The following CASQ2 variants were observed in gnomAD, a reference collection of about 807,000 sequenced individuals.
CASQ2 encodes calsequestrin 2, also known as calsequestrin-2.
Under a neutral mutation model 46.5 loss-of-function variants are expected in CASQ2, and 49 were observed. The ratio of observed to expected loss-of-function variants is 1.05; its 90% confidence interval spans 0.84 to 1.34. CASQ2 has a LOEUF of 1.34. CASQ2 is among the 40% of genes most tolerant of loss of function. The pLI, the probability that CASQ2 is intolerant of heterozygous loss-of-function variation, is 0.00. For synonymous variants in CASQ2, 174 were observed against 168.5 expected (o/e 1.03, Z -0.25); for missense variants, 486 against 481.3 (o/e 1.01, Z -0.09).
At chr1:115,756,055 G>A (rs753410127) in intron 1 of CASQ2, among the ~76,000 whole-genome samples, 13 of 152,204 alleles carry the variant, frequency 8.5e-5, no homozygotes, top group East Asian at 7.7e-4. Context: ...TTAGATATCC[G>A]AGGCCAGAGT....
chr1:115,733,533 T>G (rs1647861413), intron 4 of CASQ2, among the ~76,000 whole-genome samples: 1 of 152,214 alleles, frequency 6.6e-6, no homozygotes, highest in South Asian at 2.1e-4. Context: ...TTCTGATGCC[T>G]CAAGAGGATT....
intron 3 of CASQ2, 49 bp downstream of exon 3, chr1:115,740,679 A>G: frequency 8.5e-7 from 1 of 1,171,114 alleles, no homozygotes; most frequent in Non-Finnish European, 1.3e-6. Flanking sequence ...CTCTCCCTAT[A>G]TTTGAGGAGA....
intron 8 of CASQ2, among the ~76,000 whole-genome samples, chr1:115,714,834 C>T (rs1200227205): frequency 6.6e-6 from 1 of 152,224 alleles, no homozygotes; most frequent in Non-Finnish European, 1.5e-5. Context: ...CACCTCAGTG[C>T]ATGCTTACAG....
chr1:115,726,448 A>G (rs1316220425), intron 6 of CASQ2, among the ~76,000 whole-genome samples: 4 of 152,222 alleles, frequency 2.6e-5, no homozygotes, highest in Non-Finnish European at 5.9e-5. Context: ...AGAACCTGAA[A>G]TATTTACCAT....
chr1:115,728,153 G>T (rs1329075034), intron 5 of CASQ2, among the ~76,000 whole-genome samples: 1 of 152,180 alleles, frequency 6.6e-6, no homozygotes, highest in Non-Finnish European at 1.5e-5. Flanking sequence ...CCGTGACCCA[G>T]GGCGGCTGCA....
chr1:115,712,645 C>A (rs1654583682), intron 8 of CASQ2, among the ~76,000 whole-genome samples: 1 of 152,054 alleles, frequency 6.6e-6, no homozygotes, highest in Non-Finnish European at 1.5e-5. Flanking sequence ...AAGAACCAGG[C>A]CAGGCACAGT....
intron 1 of CASQ2, among the ~76,000 whole-genome samples, chr1:115,752,872 A>G (rs1648630129): frequency 6.6e-6 from 1 of 152,222 alleles, no homozygotes; most frequent in Non-Finnish European, 1.5e-5. Flanking sequence ...TCTGTGTGAG[A>G]GATGTCTCTG....
intron 9 of CASQ2, 152 bp downstream of exon 9, chr1:115,705,040 T>A: frequency 4.3e-6 from 3 of 692,830 alleles, no homozygotes; most frequent in Non-Finnish European, 8.0e-6. Flanking sequence ...CCAAGTTCAA[T>A]ACTGCCCCAA....
At chr1:115,738,109 C>G in intron 4 of CASQ2, 115 bp downstream of exon 4, 1 of 771,616 alleles carries the variant, frequency 1.3e-6, no homozygotes, top group South Asian at 1.4e-5. Flanking sequence ...ATTCTAACTT[C>G]TATTCTACCC....
rs376326065 is a variant in CASQ2, at chr1:115,767,850, G to A, written c.234+458C>T. On this transcript the variant is annotated intron_variant, in intron 1 of 10. Coordinates refer to ENST00000261448, the MANE Select transcript of CASQ2 (RefSeq NM_001232.4). The stretch of plus-strand genomic sequence containing the variant: ...GGAAAGTCATTTAGTGATATTCTCC[G>A]TCTGACCCCCAGAGAGACGCAAGGT... Among the ~76,000 whole-genome samples, 31 of 152,276 alleles carry A rather than the reference G, an allele frequency of 2.0e-4. 1 individual carries two copies. The highest frequency in any genetic ancestry group is 7.7e-4 in the East Asian group (4 of 5,190).
intron 10 of CASQ2, among the ~76,000 whole-genome samples, chr1:115,702,401 A>T (rs1351374274): frequency 6.6e-6 from 1 of 152,080 alleles, no homozygotes; most frequent in Non-Finnish European, 1.5e-5. Flanking sequence ...CTGCCAGTGT[A>T]CCTCACTAGC....
chr1:115,702,876 G>C (rs758254619), intron 10 of CASQ2, 45 bp downstream of exon 10: 1 of 1,408,664 alleles, frequency 7.1e-7, no homozygotes, highest in Admixed American at 1.7e-5. Flanking sequence ...CAGAAGACAG[G>C]GCAGGCCAAG....
At chr1:115,726,954 A>AAC in intron 6 of CASQ2, 38 bp downstream of exon 6, 32 of 1,108,040 alleles carry the variant, frequency 2.9e-5, no homozygotes, top group Non-Finnish European at 4.0e-5. Flanking sequence ...CATTCCCCAG[A>AAC]CCCCAGGCCC....
At chr1:115,736,360 G>A (rs1359742865) in intron 4 of CASQ2, among the ~76,000 whole-genome samples, 1 of 151,808 alleles carries the variant, frequency 6.6e-6, no homozygotes, top group Non-Finnish European at 1.5e-5. Context: ...TCCTGGGTTG[G>A]GCACAGTGGC....
chr1:115,763,792 C>T (rs367918526), intron 1 of CASQ2, among the ~76,000 whole-genome samples: 55 of 152,280 alleles, frequency 3.6e-4, no homozygotes, highest in African/African-American at 1.1e-3. Flanking sequence ...CATTTCTCAA[C>T]TCAGGTTGAG....
rs955750547 is a variant in CASQ2 at position 115,743,872 on chromosome 1, C to T, written c.319+956G>A. 4.0e-5 allele frequency among the ~76,000 whole-genome samples: 6 copies of T among 151,882 alleles called. No homozygotes were observed. The East Asian group carries it at 1.2e-3, about 29-fold the overall frequency. Reference sequence around the variant, plus strand: ...GAGGAGCGGGCCGGGAGCTATGGCTCACGCCTGTAATCCCACCATTTTGGG... The same window carrying T: ...GAGGAGCGGGCCGGGAGCTATGGCTTACGCCTGTAATCCCACCATTTTGGG... On this transcript the variant is annotated intron_variant, in intron 2 of 10. Transcript: ENST00000261448.
intron 3 of CASQ2, 136 bp downstream of exon 3, chr1:115,740,592 T>C (rs1648141013): frequency 1.5e-6 from 1 of 681,336 alleles, no homozygotes; most frequent in South Asian, 1.6e-5. Context: ...AGGTGCTCCT[T>C]AGTTTTTTGT....
chr1:115,753,359 G>C (rs1477008582), intron 1 of CASQ2, among the ~76,000 whole-genome samples: 1 of 152,188 alleles, frequency 6.6e-6, no homozygotes, highest in African/African-American at 2.4e-5. Context: ...AAGGATCCTG[G>C]TGTAGTGACT....
intron 1 of CASQ2, among the ~76,000 whole-genome samples, chr1:115,747,882 G>A (rs1032875050): frequency 7.2e-5 from 11 of 152,148 alleles, no homozygotes; most frequent in African/African-American, 2.7e-4. Flanking sequence ...TTTCTAGGTA[G>A]ACAATTTTGT....
Sources: allele counts gnomAD v4.1 joint callset (sites outside exome capture counted in the v4.1 genomes callset), GRCh38; gene constraint gnomAD v4.1.1; transcripts MANE v1.5; gene names NCBI Gene and HGNC (gene_info 2026-07-23, HGNC 2026-07-21).